The following CPQ variants were observed in gnomAD, a reference collection of about 807,000 sequenced individuals.
CPQ encodes carboxypeptidase Q.
Under a neutral mutation model 45.7 loss-of-function variants are expected in CPQ, and 37 were observed. The observed-to-expected ratio is 0.81, with a 90% confidence interval of 0.62 to 1.07. The LOEUF is 1.07. CPQ is among the 50% of genes least tolerant of loss of function. CPQ has a pLI of 0.00. For missense variants in CPQ, 537 were observed against 572.9 expected (o/e 0.94, Z 0.64); for synonymous variants, 186 against 205.8 (o/e 0.90, Z 0.82).
At chr8:96,654,263 T>TC (rs1815612639) in intron 1 of CPQ, among the ~76,000 whole-genome samples, 2 of 152,346 alleles carry the variant, frequency 1.3e-5, no homozygotes, top group South Asian at 4.1e-4. Flanking sequence ...CCACCTTTTT[T>TC]CCCACTATAT....
intron 7 of CPQ, among the ~76,000 whole-genome samples, chr8:97,073,703 T>C (rs13258170): frequency 2.5e-3 from 382 of 152,026 alleles, no homozygotes; most frequent in Middle Eastern, 0.014. Flanking sequence ...TCTTGTGGAG[T>C]TTACATTGTG....
At chr8:97,014,641 CAAA>C (rs368425080) in intron 5 of CPQ, among the ~76,000 whole-genome samples, 7 of 58,588 alleles carry the variant, frequency 1.2e-4, no homozygotes, top group Middle Eastern at 0.012. Flanking sequence ...GACTCCATCT[CAAA>C]AAAAAAAAAA....
chr8:96,835,786 A>G (rs957528528), intron 3 of CPQ, among the ~76,000 whole-genome samples: 1 of 152,250 alleles, frequency 6.6e-6, no homozygotes, highest in African/African-American at 2.4e-5. Context: ...AATGAGGTCA[A>G]CTTGAAAAAG....
chr8:97,086,181 T>C (rs1811037678), intron 7 of CPQ, among the ~76,000 whole-genome samples: 1 of 152,178 alleles, frequency 6.6e-6, no homozygotes, highest in African/African-American at 2.4e-5. Context: ...ATTTTGAAAA[T>C]TTGATTGCAT....
chr8:96,819,220 A>C (rs1393833621), intron 2 of CPQ, among the ~76,000 whole-genome samples: 1 of 152,134 alleles, frequency 6.6e-6, no homozygotes, highest in Non-Finnish European at 1.5e-5. Flanking sequence ...AGGGAGCTTC[A>C]AAAAGTTTGT....
intron 1 of CPQ, among the ~76,000 whole-genome samples, chr8:96,777,972 C>T (rs1340015766): frequency 6.6e-6 from 1 of 150,612 alleles, no homozygotes; most frequent in Non-Finnish European, 1.5e-5. Context: ...TTGTGATCCG[C>T]ATGCCTTGGA....
At chr8:96,910,147 T>C (rs978899394) in intron 4 of CPQ, among the ~76,000 whole-genome samples, 2 of 152,162 alleles carry the variant, frequency 1.3e-5, no homozygotes, top group Admixed American at 6.5e-5. Context: ...ATCCTAGCCA[T>C]TGTGTGGCCG....
chr8:96,785,149 A>G lies in CPQ; in HGVS notation c.252A>G (p.Leu84=). Residue 84 remains leucine (L), a synonymous_variant, in exon 2 of 8, where the codon CTA becomes CTG. Coordinates refer to ENST00000220763, the MANE Select transcript of CPQ (RefSeq NM_016134.4). ...VGPRLSGSKN[L]EKAIQIMYQN... The stretch of plus-strand genomic sequence containing the variant: ...CCAGACTGAGTGGCTCCAAGAACCT[A>G]GAAAAAGCCATCCAAATTATGTACC... 6.2e-7 allele frequency: 1 copy of G among 1,613,712 alleles called. No individual in the cohort carries two copies. Among genetic ancestry groups the G allele is most frequent in the Non-Finnish European group, 8.5e-7 (1 of 1,179,810 alleles).
chr8:97,066,175 C>T lies in CPQ; in HGVS notation c.1220C>T (p.Thr407Ile). ...ITQVLSHGEG[T>I]DINFWIQAGV... is the part of the protein sequence containing the mutation. ...CAGGTCCTGAGCCATGGAGAAGGGA[C>T]AGACATCAACTTTTGGATCCAAGCT... The change falls in exon 7 of 8, where the codon ACA becomes ATA. Residue 407 changes from threonine (T) to isoleucine (I), a missense_variant. Thr to Ile is a moderately conservative substitution (Grantham distance 89, BLOSUM62 -1). Coordinates refer to ENST00000220763, the MANE Select transcript of CPQ (RefSeq NM_016134.4). 6.2e-7 allele frequency: 1 copy of T among 1,610,904 alleles called. No homozygotes were observed. Among genetic ancestry groups the T allele is most frequent in the Non-Finnish European group, 8.5e-7 (1 of 1,179,076 alleles).
At chr8:96,663,030 T>TG (rs1808863069) in intron 1 of CPQ, among the ~76,000 whole-genome samples, 1 of 152,152 alleles carries the variant, frequency 6.6e-6, no homozygotes, top group African/African-American at 2.4e-5. Context: ...TTCTAGAGAA[T>TG]GGGTAATCAC....
At chr8:96,829,055 C>T (rs1054929610) in intron 2 of CPQ, among the ~76,000 whole-genome samples, 8 of 152,152 alleles carry the variant, frequency 5.3e-5, no homozygotes, top group Middle Eastern at 3.4e-3. Flanking sequence ...GTGATAGGCA[C>T]CTCTCCACAA....
intron 2 of CPQ, among the ~76,000 whole-genome samples, chr8:96,803,288 T>C (rs1211217328): frequency 2.0e-5 from 3 of 152,190 alleles, no homozygotes; most frequent in East Asian, 1.9e-4. Flanking sequence ...TTAACCCACA[T>C]TGGGGAGGGC....
intron 4 of CPQ, among the ~76,000 whole-genome samples, chr8:96,890,627 C>T (rs926898592): frequency 2.0e-5 from 3 of 152,214 alleles, no homozygotes; most frequent in African/African-American, 4.8e-5. Context: ...TAATCCGGAT[C>T]AGTTGCCCCG....
intron 1 of CPQ, among the ~76,000 whole-genome samples, chr8:96,683,778 A>C (rs1356828035): frequency 7.4e-6 from 1 of 135,878 alleles, no homozygotes; most frequent in African/African-American, 2.7e-5. Context: ...AAAAAAAAAA[A>C]CCTGTCTTCA....
intron 4 of CPQ, among the ~76,000 whole-genome samples, chr8:96,922,472 T>G (rs1309167371): frequency 6.6e-6 from 1 of 152,214 alleles, no homozygotes. Flanking sequence ...TGTTTCTCTC[T>G]TTTGGAAGAG....
intron 5 of CPQ, among the ~76,000 whole-genome samples, chr8:97,021,606 A>G (rs1809684769): frequency 6.6e-6 from 1 of 152,144 alleles, no homozygotes; most frequent in Non-Finnish European, 1.5e-5. Context: ...AACCCCTTTT[A>G]AAATAGCTGC....
At chr8:97,061,294 C>T (rs1810546901) in intron 6 of CPQ, among the ~76,000 whole-genome samples, 1 of 152,064 alleles carries the variant, frequency 6.6e-6, no homozygotes, top group Non-Finnish European at 1.5e-5. Context: ...TTGGCTTAAA[C>T]AAATTACTTT....
At chr8:96,648,189 T>C (rs552539502) in intron 1 of CPQ, among the ~76,000 whole-genome samples, 1 of 152,228 alleles carries the variant, frequency 6.6e-6, no homozygotes, top group East Asian at 1.9e-4. Flanking sequence ...CAGAGACCAG[T>C]TGTGGCCGCC....
At chr8:96,818,805 G>A (rs1459548343) in intron 2 of CPQ, among the ~76,000 whole-genome samples, 1 of 152,124 alleles carries the variant, frequency 6.6e-6, no homozygotes, top group Non-Finnish European at 1.5e-5. Context: ...CAAGTTTTTG[G>A]CAGAGATGCT....
Sources: allele counts gnomAD v4.1 joint callset (sites outside exome capture counted in the v4.1 genomes callset), GRCh38; gene constraint gnomAD v4.1.1; transcripts MANE v1.5; gene names NCBI Gene and HGNC (gene_info 2026-07-23, HGNC 2026-07-21).